The following BCL7A variants were observed in gnomAD, a reference collection of about 807,000 sequenced individuals.
BCL7A encodes BAF chromatin remodeling complex subunit BCL7A.
BCL7A carries 11 observed loss-of-function variants against 28.4 expected under a neutral mutation model. The ratio of observed to expected loss-of-function variants is 0.39; its 90% CI spans 0.24 to 0.64. BCL7A has a LOEUF of 0.64. BCL7A is among the 30% of genes least tolerant of loss of function. The pLI, the probability that BCL7A is intolerant of heterozygous loss-of-function variation, is 0.50. For missense variants in BCL7A, 222 were observed against 274.8 expected, an observed-to-expected ratio of 0.81 and a Z score of 1.36; for synonymous variants, 123 against 103.3, an observed-to-expected ratio of 1.19 and a Z score of -1.15.
Position 122,029,731 on chromosome 12 carries a change from T to C in BCL7A, c.93-969T>C, listed in dbSNP as rs187025436. On this transcript the variant is annotated intron_variant, in intron 1 of 5. Coordinates refer to ENST00000261822, the MANE Select transcript of BCL7A (RefSeq NM_001024808.3). This position sits in a 1 kb window ranked among gnomAD's most constrained non-coding sequence, Gnocchi z 4.3. Reference sequence around the variant, plus strand: ...GCCTCGGTTCCAACCCCAGCCCTGCTTCTGGGAGGCTCTCCTGAGCCTCAG... The same window carrying C: ...GCCTCGGTTCCAACCCCAGCCCTGCCTCTGGGAGGCTCTCCTGAGCCTCAG... 3.3e-5 allele frequency among the ~76,000 whole-genome samples: 5 copies of C among 152,272 alleles called. No homozygotes were observed. Among genetic ancestry groups the C allele is most frequent in the Admixed American group, 1.3e-4 (2 of 15,296 alleles).
At chr12:122,055,017 G>GT in intron 5 of BCL7A, 91 bp downstream of exon 5, 1 of 1,606,382 alleles carries the variant, frequency 6.2e-7, no homozygotes, top group Non-Finnish European at 8.5e-7. Context: ...TCGTCATTGT[G>GT]TTTTGTTGTT....
In BCL7A at chr12:122,054,673, C is replaced by G. The variant is rs552952873; in HGVS notation, c.440-132C>G. 214 of 877,490 alleles carry G rather than the reference C, an allele frequency of 2.4e-4. 1 individual carries two copies. In the Middle Eastern group the frequency reaches 4.3e-3, roughly 18 times the overall value. The allele number at this position is 877,490 out of a possible 1,614,324, so 54.4% of individuals were successfully genotyped here. A position where few individuals can be genotyped will look rare whatever the true frequency, so the allele number is the denominator to read the frequency against. ...GGAGACTCCCCAGCCCTCCAGCCCC[C>G]CAGCTCATTGTAGCCTTCAAAGACC... On this transcript the variant is annotated intron_variant, in intron 4 of 5. Transcript: ENST00000261822.
intron 2 of BCL7A, among the ~76,000 whole-genome samples, chr12:122,032,692 A>G (rs1327095235): frequency 6.6e-6 from 1 of 152,302 alleles, no homozygotes; most frequent in East Asian, 1.9e-4. Context: ...TCTTTTGTGT[A>G]ATGGAGCAGT....
Position 122,032,245 on chromosome 12 carries a change from G to T in BCL7A, c.174+1464G>T, listed in dbSNP as rs1479410031. Reference sequence around the variant, plus strand: ...TCACCCCTGAACTTGGGCCTTTGTTGTCCCTTCTGGTTCTAGCCTGGGCTC... The same window carrying T: ...TCACCCCTGAACTTGGGCCTTTGTTTTCCCTTCTGGTTCTAGCCTGGGCTC... On this transcript the variant is annotated intron_variant, in intron 2 of 5. Coordinates refer to ENST00000261822, the MANE Select transcript of BCL7A (RefSeq NM_001024808.3). Among the ~76,000 whole-genome samples the T allele has an allele frequency of 1.3e-5, 2 of 152,146 alleles. 1 individual carries two copies. Among genetic ancestry groups the T allele is most frequent in the Middle Eastern group, 6.3e-3 (2 of 316 alleles).
At chr12:122,028,228 G>T (rs74892104) in intron 1 of BCL7A, among the ~76,000 whole-genome samples, 1 of 152,282 alleles carries the variant, frequency 6.6e-6, no homozygotes, top group Non-Finnish European at 1.5e-5. Context: ...CGGTGAAGAG[G>T]TTGCCAGTTG....
chr12:122,023,816 G>A (rs2135835163), intron 1 of BCL7A, among the ~76,000 whole-genome samples: 1 of 152,318 alleles, frequency 6.6e-6, no homozygotes, highest in South Asian at 2.1e-4. Context: ...CCCGCGGGAA[G>A]CCCGGAGTTG....
chr12:122,025,933 C>A (rs1459807284), intron 1 of BCL7A, among the ~76,000 whole-genome samples: 1 of 106,630 alleles, frequency 9.4e-6, no homozygotes, highest in Admixed American at 1.4e-4. Context: ...AGCAACAGAG[C>A]AAGACTCCAT....
chr12:122,039,500 A>ATATATAATATATATATTATATATAT (rs1883925546), intron 3 of BCL7A, among the ~76,000 whole-genome samples: 2 of 140,404 alleles, frequency 1.4e-5, no homozygotes, highest in East Asian at 2.0e-4. Context: ...ATATATATAT[A>ATATATAATATATATATTATATATAT]TATATAATAT....
chr12:122,022,330 G>GGGCGGGC (rs1203534535), intron 1 of BCL7A, 147 bp downstream of exon 1: 6 of 322,580 alleles, frequency 1.9e-5, no homozygotes, highest in African/African-American at 1.4e-4. Context: ...GCGGGCGGAC[G>GGGCGGGC]GGCGGGCGGC....
intron 1 of BCL7A, among the ~76,000 whole-genome samples, chr12:122,022,769 C>T (rs1375828968): frequency 2.6e-5 from 4 of 151,186 alleles, no homozygotes; most frequent in Middle Eastern, 3.4e-3. Flanking sequence ...AGAGCGCGAG[C>T]CGTTTAAATT....
At chr12:122,054,735 G>A in intron 4 of BCL7A, 70 bp from the exon 5 acceptor site, 8 of 1,489,878 alleles carry the variant, frequency 5.4e-6, no homozygotes, top group South Asian at 2.4e-5. Flanking sequence ...GGTATTTTCA[G>A]TATTTGGCCC....
intron 4 of BCL7A, among the ~76,000 whole-genome samples, chr12:122,046,719 T>C (rs1477500729): frequency 6.6e-6 from 1 of 152,188 alleles, no homozygotes; most frequent in Non-Finnish European, 1.5e-5. Flanking sequence ...TCTAGCTTCT[T>C]TTGAAGAATC....
At chr12:122,036,712 CTT>C (rs57516020) in intron 3 of BCL7A, among the ~76,000 whole-genome samples, 4 of 145,870 alleles carry the variant, frequency 2.7e-5, no homozygotes, top group Non-Finnish European at 1.5e-5. Flanking sequence ...CCTAAAGCTC[CTT>C]TTTTTTTTTT....
intron 1 of BCL7A, 34 bp from the exon 2 acceptor site, chr12:122,030,666 T>G (rs370755110): frequency 6.3e-7 from 1 of 1,582,900 alleles, no homozygotes; most frequent in Non-Finnish European, 8.7e-7. Flanking sequence ...GGATGAAGAG[T>G]CCCCGGTAAC....
intron 4 of BCL7A, among the ~76,000 whole-genome samples, chr12:122,045,946 C>T (rs1169018750): frequency 1.3e-5 from 2 of 149,812 alleles, no homozygotes; most frequent in Admixed American, 6.7e-5. Flanking sequence ...AAAATGAGCC[C>T]GGCATGGTGG....
At chr12:122,041,240 G>A (rs1883960712) in intron 3 of BCL7A, among the ~76,000 whole-genome samples, 1 of 152,110 alleles carries the variant, frequency 6.6e-6, no homozygotes, top group African/African-American at 2.4e-5. Flanking sequence ...TTCCCCCTCC[G>A]GAAAGTGAAG....
chr12:122,037,620 A>C (rs372399644), intron 3 of BCL7A, among the ~76,000 whole-genome samples: 93 of 151,934 alleles, frequency 6.1e-4, no homozygotes, highest in African/African-American at 2.1e-3. Flanking sequence ...GTTCGAGACC[A>C]GCCTGGCCAA....
chr12:122,051,648 C>T (rs1483713817), intron 4 of BCL7A, among the ~76,000 whole-genome samples: 1 of 152,088 alleles, frequency 6.6e-6, no homozygotes, highest in Non-Finnish European at 1.5e-5. Flanking sequence ...GCGTGAGTCT[C>T]TGGGTGACTG....
chr12:122,054,668 G>GC, intron 4 of BCL7A, 137 bp from the exon 5 acceptor site: 4 of 836,940 alleles, frequency 4.8e-6, no homozygotes, highest in South Asian at 3.3e-5. Context: ...CAGCCCTCCA[G>GC]CCCCCCAGCT....
Sources: gnomAD v4.1 joint callset for allele counts (sites outside exome capture counted in the v4.1 genomes callset) on GRCh38, gnomAD v4.1.1 for gene constraint, Gnocchi (gnomAD v3.1) non-coding constraint, MANE v1.5 for transcripts, NCBI Gene and HGNC (gene_info 2026-07-23, HGNC 2026-07-21) for gene names.